Variants in AXDND1 observed in about 807,000 individuals in gnomAD.
The protein encoded by AXDND1 is axonemal dynein light chain domain-containing protein 1.
A neutral mutation model predicts 137.5 loss-of-function variants in AXDND1; 110 were observed. That is an observed-to-expected ratio of 0.80 (90% confidence interval 0.69 to 0.94). The LOEUF is 0.94. AXDND1 is among the 40% of genes least tolerant of loss of function. The probability of loss-of-function intolerance (pLI) is 0.00; values close to 1 mark genes in which losing one functional copy is unlikely to be tolerated. For missense variants in AXDND1, 1,191 were observed against 1,169.8 expected, an observed-to-expected ratio of 1.02 and a Z score of -0.26; for synonymous variants, 414 against 399.7, an observed-to-expected ratio of 1.04 and a Z score of -0.43.
chr1:179,520,235 G>A (rs1558297546), intron 21 of AXDND1, among the ~76,000 whole-genome samples: 1 of 152,144 alleles, frequency 6.6e-6, no homozygotes, highest in Non-Finnish European at 1.5e-5. Context: ...TGCTGATTTT[G>A]TATACTGAGA....
At chr1:179,439,794 C>G (rs1001011997) in intron 15 of AXDND1, among the ~76,000 whole-genome samples, 1 of 152,124 alleles carries the variant, frequency 6.6e-6, no homozygotes, top group African/African-American at 2.4e-5. Context: ...TGGCTCGTAC[C>G]GGAGGGACCG....
intron 16 of AXDND1, chr1:179,455,100 A>G (rs1393009812): frequency 6.9e-6 from 1 of 145,740 alleles, no homozygotes; most frequent in Non-Finnish European, 1.5e-5. Flanking sequence ...CGTCTCAAAA[A>G]AAAAAAAAGA....
At chr1:179,530,184 C>T (rs2125698115) in intron 23 of AXDND1, among the ~76,000 whole-genome samples, 1 of 152,234 alleles carries the variant, frequency 6.6e-6, no homozygotes, top group South Asian at 2.1e-4. Context: ...TGCCCACCAC[C>T]ATGCCCGGCT....
intron 17 of AXDND1, among the ~76,000 whole-genome samples, chr1:179,478,701 A>T (rs1166898881): frequency 2.0e-5 from 3 of 152,220 alleles, no homozygotes; most frequent in South Asian, 2.1e-4. Context: ...ACTTATGCAG[A>T]TTTCTGCAGC....
intron 12 of AXDND1, among the ~76,000 whole-genome samples, chr1:179,421,410 G>A (rs558067481): frequency 2.7e-4 from 28 of 103,776 alleles, no homozygotes; most frequent in Non-Finnish European, 4.7e-4. Flanking sequence ...ACAGAGTCTT[G>A]CTCTTTCACC....
Position 179,383,484 on chromosome 1 carries a change from G to C in AXDND1, c.681G>C (p.Val227=), listed in dbSNP as rs776885276. ...KRVEVAQLND[V]MDTMLERAGV... is the part of the protein sequence containing the mutation. ...TAGAAGTGGCCCAGCTGAATGATGT[G>C]ATGGATACTATGCTAGAGAGGGCTG... The change falls in exon 8 of 26, where the codon GTG becomes GTC. Residue 227 remains valine (V), a synonymous_variant. Coordinates refer to ENST00000367618, the MANE Select transcript of AXDND1 (RefSeq NM_144696.6). 6.8e-6 allele frequency: 11 copies of C among 1,613,958 alleles called. No homozygotes were observed. The highest frequency in any genetic ancestry group is 1.6e-4 in the Middle Eastern group (1 of 6,084).
chr1:179,367,736 CAAAT>C (rs1667603804), intron 2 of AXDND1, among the ~76,000 whole-genome samples: 1 of 152,162 alleles, frequency 6.6e-6, no homozygotes, highest in African/African-American at 2.4e-5. Flanking sequence ...GACTTGGTCT[CAAAT>C]AAGTAAATAA....
chr1:179,544,673 C>CAAAAAAAAAAAAAAAAAAAAAAAAAAAAA (rs35843095), intron 25 of AXDND1: 1 of 111,158 alleles, frequency 9.0e-6, no homozygotes, highest in African/African-American at 3.6e-5. Flanking sequence ...GACTCCATCT[C>CAAAAAAAAAAAAAAAAAAAAAAAAAAAAA]AAAAAAAAAA....
chr1:179,428,074 A>C (rs946011632), intron 12 of AXDND1, among the ~76,000 whole-genome samples: 3 of 152,254 alleles, frequency 2.0e-5, no homozygotes, highest in African/African-American at 7.2e-5. Context: ...AGAGAATAGA[A>C]GGAGATCATT....
rs1571882821 is a variant in AXDND1 at position 179,449,988 on chromosome 1, A to ATTCTTTTTTTTTTTTT, written c.1798+4786_1798+4787insCTTTTTTTTTTTTTTT. 5 of 65,370 alleles carry ATTCTTTTTTTTTTTTT rather than the reference A, an allele frequency of 7.6e-5. 1 individual carries two copies. The highest frequency in any genetic ancestry group is 1.4e-4 in the Non-Finnish European group (5 of 36,186). The allele number at this position is 65,370 out of a possible 1,614,324, so 4.0% of individuals were successfully genotyped here. On this transcript the variant is annotated intron_variant, in intron 16 of 25. Transcript: ENST00000367618. The stretch of plus-strand genomic sequence containing the variant: ...TTTTACTAGTTTCTTGCCAATCTGG[A>ATTCTTTTTTTTTTTTT]TTTTTTTTTTTTTTTTTTTTTTTTT...
intron 8 of AXDND1, among the ~76,000 whole-genome samples, chr1:179,384,909 G>A (rs1233591690): frequency 2.0e-5 from 3 of 151,886 alleles, no homozygotes; most frequent in Non-Finnish European, 4.4e-5. Flanking sequence ...GACTACAGGC[G>A]TGTGCCACCA....
intron 4 of AXDND1, among the ~76,000 whole-genome samples, chr1:179,373,168 T>G (rs1464616154): frequency 6.6e-6 from 1 of 152,160 alleles, no homozygotes; most frequent in Non-Finnish European, 1.5e-5. Flanking sequence ...CCCAGTACTT[T>G]AATAATGTAT....
At chr1:179,445,278 AT>A in intron 16 of AXDND1, 74 bp downstream of exon 16, 1 of 1,052,550 alleles carries the variant, frequency 9.5e-7, no homozygotes, top group Non-Finnish European at 1.3e-6. Context: ...AATACAATGA[AT>A]ATTTAAAATA....
At chr1:179,455,952 GC>G (rs376984845) in intron 16 of AXDND1, 21,800 of 247,682 alleles carry the variant, frequency 0.088, 478 homozygotes, top group Non-Finnish European at 0.099. Flanking sequence ...CAGCATGGGT[GC>G]CAAAAAAAAA....
At chr1:179,546,781 T>C (rs913875148) in intron 25 of AXDND1, among the ~76,000 whole-genome samples, 10 of 152,166 alleles carry the variant, frequency 6.6e-5, no homozygotes, top group African/African-American at 1.7e-4. Flanking sequence ...GAAAGCTTAG[T>C]GGACAGTCCC....
At chr1:179,539,352 G>A (rs951274571) in intron 25 of AXDND1, among the ~76,000 whole-genome samples, 1 of 152,142 alleles carries the variant, frequency 6.6e-6, no homozygotes. Context: ...CATGTTTAGT[G>A]CTTCCTTCAG....
chr1:179,388,993 T>TTTTGG (rs1649679851), intron 9 of AXDND1, among the ~76,000 whole-genome samples: 1 of 12,858 alleles, frequency 7.8e-5, no homozygotes, highest in Non-Finnish European at 1.5e-4. Context: ...TTTTTTTTTT[T>TTTTGG]GAGATGGAGT....
At chr1:179,398,435 A>G (rs1651407498) in intron 11 of AXDND1, among the ~76,000 whole-genome samples, 1 of 152,190 alleles carries the variant, frequency 6.6e-6, no homozygotes, top group Non-Finnish European at 1.5e-5. Context: ...AGCCTTTCAT[A>G]GTGCTGTGGC....
intron 18 of AXDND1, among the ~76,000 whole-genome samples, chr1:179,486,023 G>A (rs1262475189): frequency 1.3e-5 from 2 of 150,506 alleles, no homozygotes; most frequent in East Asian, 2.0e-4. Flanking sequence ...GGAGGCTGAC[G>A]CAGGAGAATC....
Sources: allele counts gnomAD v4.1 joint callset (sites outside exome capture counted in the v4.1 genomes callset), GRCh38; gene constraint gnomAD v4.1.1; transcripts MANE v1.5; gene names NCBI Gene and HGNC (gene_info 2026-07-23, HGNC 2026-07-21).